Variants in PEAK1 observed in about 807,000 individuals in gnomAD.
PEAK1 encodes the protein pseudopodium enriched atypical kinase 1, also known as inactive tyrosine-protein kinase PEAK1.
Under a neutral mutation model 124.7 loss-of-function variants are expected in PEAK1, and 54 were observed. The observed-to-expected ratio is 0.43, with a 90% CI of 0.35 to 0.54. PEAK1 has a LOEUF of 0.54. PEAK1 is among the 20% of genes least tolerant of loss of function. The pLI is 0.01. For synonymous variants in PEAK1, 719 were observed against 760.0 expected, an observed-to-expected ratio of 0.95 and a Z score of 0.89; for missense variants, 2,046 against 2,134.5, an observed-to-expected ratio of 0.96 and a Z score of 0.82.
At chr15:77,273,680 A>G (rs2062154301) in intron 5 of PEAK1, among the ~76,000 whole-genome samples, 1 of 152,220 alleles carries the variant, frequency 6.6e-6, no homozygotes, top group African/African-American at 2.4e-5. Context: ...GGTAGAATCA[A>G]TATTGTGATA....
intron 6 of PEAK1, among the ~76,000 whole-genome samples, chr15:77,222,964 T>C (rs989405631): frequency 6.6e-6 from 1 of 152,038 alleles, no homozygotes; most frequent in South Asian, 2.1e-4. Context: ...ACTAGCAGCA[T>C]TGGTAATACC....
intron 2 of PEAK1, among the ~76,000 whole-genome samples, chr15:77,339,680 C>A (rs1427835997): frequency 6.6e-6 from 1 of 152,112 alleles, no homozygotes; most frequent in African/African-American, 2.4e-5. Flanking sequence ...ATTAAAACTT[C>A]TGCTCTGAAA....
At chr15:77,403,859 T>C in intron 1 of PEAK1, 1 of 984,914 alleles carries the variant, frequency 1.0e-6, no homozygotes, top group Non-Finnish European at 1.2e-6. Flanking sequence ...GCCACATATT[T>C]ATTACAATGC....
Position 77,394,089 on chromosome 15 carries a change from G to T in PEAK1, c.-666+25917C>A, listed in dbSNP as rs930601008. On this transcript the variant is annotated intron_variant, in intron 1 of 9. Transcript: ENST00000682557. ...TAGGAAGGACTTTGTCTTGTGGCTT[G>T]AATGCCAGCTCAGCCGCATTAGAAT... Among the ~76,000 whole-genome samples, 9 of 152,138 alleles carry T rather than the reference G, an allele frequency of 5.9e-5. No individual in the cohort carries two copies. The South Asian group carries it at 1.9e-3, about 32-fold the overall frequency.
chr15:77,190,373 T>C (rs2152832555), intron 6 of PEAK1, among the ~76,000 whole-genome samples: 1 of 152,322 alleles, frequency 6.6e-6, no homozygotes, highest in Non-Finnish European at 1.5e-5. Context: ...GTTGGAATTA[T>C]TTTCTTAATG....
At chr15:77,102,058 T>C (rs2050699151) in exon 7 of PEAK1, 1 of 152,224 alleles carries the variant, frequency 6.6e-6, no homozygotes, top group South Asian at 2.1e-4. Context: ...TTAATGGTGG[T>C]CATTTCTAGA....
intron 9 of PEAK1, among the ~76,000 whole-genome samples, chr15:77,131,947 C>T (rs2052897171): frequency 6.6e-6 from 1 of 151,904 alleles, no homozygotes; most frequent in Admixed American, 6.5e-5. Context: ...TGTGGTGGCA[C>T]ACACCTGAGG....
chr15:77,234,837 G>T (rs185780070), intron 6 of PEAK1, among the ~76,000 whole-genome samples: 1 of 152,010 alleles, frequency 6.6e-6, no homozygotes, highest in East Asian at 1.9e-4. Context: ...TTGAGACAGG[G>T]TCTTGCTCTG....
intron 1 of PEAK1, chr15:77,403,933 C>T (rs973460638): frequency 5.8e-5 from 57 of 974,816 alleles, no homozygotes; most frequent in Non-Finnish European, 6.6e-5. Flanking sequence ...TCAGGGGATA[C>T]ATTTACAAGT....
intron 2 of PEAK1, among the ~76,000 whole-genome samples, chr15:77,344,256 G>A (rs535934999): frequency 6.6e-5 from 10 of 152,178 alleles, no homozygotes; most frequent in African/African-American, 1.2e-4. Flanking sequence ...CACCACGCCC[G>A]GCTAATTTTT....
rs755593639 is a variant in PEAK1 at position 77,114,189 on chromosome 15, G to A, written c.5208C>T (p.Leu1736=). Residue 1736 remains leucine (L), a synonymous_variant, in exon 10 of 10, where the codon CTC becomes CTT. Transcript: ENST00000682557. ...QYLAFATTDS[L]SCIVKILQHR is the part of the protein sequence containing the mutation. The stretch of plus-strand genomic sequence containing the variant: ...GCTGCAGAATTTTCACAATACAACT[G>A]AGGGAGTCTGTAGTGGCAAAAGCCA... 1 of 1,614,102 alleles carries A rather than the reference G, an allele frequency of 6.2e-7. No homozygotes were observed. The highest frequency in any genetic ancestry group is 1.3e-5 in the African/African-American group (1 of 74,930).
intron 1 of PEAK1, among the ~76,000 whole-genome samples, chr15:77,378,060 A>G (rs1271573531): frequency 2.6e-5 from 4 of 152,060 alleles, no homozygotes; most frequent in Non-Finnish European, 5.9e-5. Flanking sequence ...TCTTCATACA[A>G]AACAACTAGC....
rs1032010658 is a variant in PEAK1 at position 77,419,728 on chromosome 15, G to A, written c.-666+278C>T. ...CCTCTGGGGGGCGTCGCGCTCCCGGGGCCGCCGCCGAGGGAGGGGGCAGGG... is the reference window on the plus strand; with the variant it reads ...CCTCTGGGGGGCGTCGCGCTCCCGGAGCCGCCGCCGAGGGAGGGGGCAGGG... On this transcript the variant is annotated intron_variant, in intron 1 of 9. Coordinates refer to ENST00000682557, the MANE Select transcript of PEAK1 (RefSeq NM_001385026.1). The A allele has an allele frequency of 1.1e-5, 10 of 939,886 alleles. No individual in the cohort carries two copies. The African/African-American group carries it at 1.4e-4, about 13-fold the overall frequency. 58.2% of individuals were successfully genotyped at this position (939,886 alleles called of 1,614,324 possible).
intron 1 of PEAK1, among the ~76,000 whole-genome samples, chr15:77,393,923 G>A (rs2070692524): frequency 6.6e-6 from 1 of 152,202 alleles, no homozygotes; most frequent in Non-Finnish European, 1.5e-5. Flanking sequence ...TCCTGGGCCT[G>A]AAAGCATTCA....
chr15:77,151,041 C>A (rs1285080088), intron 8 of PEAK1, among the ~76,000 whole-genome samples: 1 of 152,068 alleles, frequency 6.6e-6, no homozygotes, highest in Non-Finnish European at 1.5e-5. Context: ...AATGGGATGG[C>A]TGGGTCAAAT....
chr15:77,237,486 T>C (rs1261590393), intron 6 of PEAK1, among the ~76,000 whole-genome samples: 1 of 152,008 alleles, frequency 6.6e-6, no homozygotes, highest in Non-Finnish European at 1.5e-5. Context: ...ACATGGCGCC[T>C]ATAATTTTCT....
chr15:77,346,188 T>C (rs1176635507), intron 2 of PEAK1: 3 of 969,546 alleles, frequency 3.1e-6, no homozygotes, highest in Non-Finnish European at 3.7e-6. Flanking sequence ...ATCTACCCTT[T>C]TGGCATAATA....
At chr15:77,132,221 C>T (rs1223027360) in intron 9 of PEAK1, among the ~76,000 whole-genome samples, 1 of 151,838 alleles carries the variant, frequency 6.6e-6, no homozygotes, top group Non-Finnish European at 1.5e-5. Context: ...GCTGGGACTA[C>T]AGGCATGAGC....
chr15:77,175,129 G>C (rs1461875980), intron 7 of PEAK1, among the ~76,000 whole-genome samples: 2 of 152,024 alleles, frequency 1.3e-5, no homozygotes, highest in Non-Finnish European at 1.5e-5. Context: ...TTAAACGTTA[G>C]ATCTAAAACC....
Sources: allele counts gnomAD v4.1 joint callset (sites outside exome capture counted in the v4.1 genomes callset), GRCh38; gene constraint gnomAD v4.1.1; transcripts MANE v1.5; gene names NCBI Gene and HGNC (gene_info 2026-07-23, HGNC 2026-07-21).